PCDHGB3: variants seen among roughly 807,000 people sequenced by gnomAD.
PCDHGB3 encodes the protein protocadherin gamma subfamily B, 3.
A neutral mutation model predicts 59.2 loss-of-function variants in PCDHGB3; 40 were observed. The observed-to-expected ratio is 0.68, with a 90% CI of 0.52 to 0.88. The LOEUF is 0.88. Ranked by LOEUF, PCDHGB3 falls within the 40% of genes least tolerant of loss-of-function variation. The pLI, the probability that PCDHGB3 is intolerant of heterozygous loss-of-function variation, is 0.00. For synonymous variants in PCDHGB3, 581 were observed against 503.6 expected (o/e 1.15, Z -2.06); for missense variants, 1,309 against 1,187.9 (o/e 1.10, Z -1.50).
intron 1 of PCDHGB3, among the ~76,000 whole-genome samples, chr5:141,448,871 G>A (rs1326162054): frequency 6.6e-6 from 1 of 152,148 alleles, no homozygotes; most frequent in Non-Finnish European, 1.5e-5. Flanking sequence ...CGTGAACCTG[G>A]GAGGCGGAGC....
intron 1 of PCDHGB3, chr5:141,389,392 T>C (rs1258153986): frequency 1.9e-6 from 3 of 1,613,686 alleles, no homozygotes; most frequent in Non-Finnish European, 2.5e-6. Flanking sequence ...TCATCCTACG[T>C]GTCCATAAGC....
At chr5:141,475,684 T>C (rs2099367059) in intron 1 of PCDHGB3, among the ~76,000 whole-genome samples, 1 of 152,228 alleles carries the variant, frequency 6.6e-6, no homozygotes, top group African/African-American at 2.4e-5. Context: ...TTGATTTGGA[T>C]TGGAGACTTG....
chr5:141,491,493 G>A lies in PCDHGB3; in HGVS notation c.2416-3314G>A, dbSNP rs1008591563. On this transcript the variant is annotated intron_variant, in intron 1 of 3. Transcript: ENST00000576222. This position sits in a 1 kb window ranked among gnomAD's most constrained non-coding sequence, Gnocchi z 6.9. ...AGCAGTCCAGCCCCAACCTGCAGGT[G>A]AGCTCGGACGGCACGCTCAAGTACA... 6.2e-7 allele frequency: 1 copy of A among 1,614,000 alleles called. No homozygotes were observed. Among genetic ancestry groups the A allele is most frequent in the African/African-American group, 1.3e-5 (1 of 74,928 alleles).
Position 141,372,544 on chromosome 5 carries a change from G to A in PCDHGB3, c.2150G>A (p.Cys717Tyr), listed in dbSNP as rs1768857250. Residue 717 changes from cysteine (C) to tyrosine (Y), a missense_variant, in exon 1 of 4, where the codon TGC becomes TAC. Transcript: ENST00000576222. ...VILAISLRLR[C>Y]SSRPATEGYF... ...CTGGCAATCTCCCTGCGCCTGCGATGCTCCTCCAGACCCGCCACTGAGGGC... is the reference window on the plus strand; with the variant it reads ...CTGGCAATCTCCCTGCGCCTGCGATACTCCTCCAGACCCGCCACTGAGGGC... 4 of 1,613,872 alleles carry A rather than the reference G, an allele frequency of 2.5e-6. No homozygotes were observed. The highest frequency in any genetic ancestry group is 1.3e-5 in the African/African-American group (1 of 74,918).
Position 141,489,407 on chromosome 5 carries a change from T to C in PCDHGB3, c.2416-5400T>C. On this transcript the variant is annotated intron_variant, in intron 1 of 3. Transcript: ENST00000576222. This position sits in a 1 kb window ranked among gnomAD's most constrained non-coding sequence, Gnocchi z 4.5. ...GTTGCTCAGGATCTGGGCTTAAAGA[T>C]GACAGATCTGTTGAGCCGGCGGCTG... 6.2e-7 allele frequency: 1 copy of C among 1,614,140 alleles called. No individual in the cohort carries two copies.
chr5:141,449,040 C>A (rs1333983931), intron 1 of PCDHGB3, among the ~76,000 whole-genome samples: 2 of 152,126 alleles, frequency 1.3e-5, no homozygotes, highest in Non-Finnish European at 2.9e-5. Flanking sequence ...GGATTATTAA[C>A]CAGTCTCATA....
At chr5:141,448,394 T>C (rs1360417681) in intron 1 of PCDHGB3, among the ~76,000 whole-genome samples, 1 of 152,206 alleles carries the variant, frequency 6.6e-6, no homozygotes. Context: ...TACATTTACA[T>C]GGTTTTAAAA....
At chr5:141,478,467 G>T (rs2099457769) in intron 1 of PCDHGB3, 1 of 1,613,656 alleles carries the variant, frequency 6.2e-7, no homozygotes, top group South Asian at 1.1e-5. Flanking sequence ...CCACTGGCCA[G>T]CCGCCAGAAC....
At chr5:141,421,418 G>A (rs771088122) in intron 1 of PCDHGB3, 1 of 1,614,086 alleles carries the variant, frequency 6.2e-7, no homozygotes, top group Admixed American at 1.7e-5. Flanking sequence ...GCGAAGCGCG[G>A]AGTCCGCATC....
rs2154591356 is a variant in PCDHGB3, at chr5:141,493,972, C to G, written c.2416-835C>G. Among the ~76,000 whole-genome samples, 6 of 152,276 alleles carry G rather than the reference C, an allele frequency of 3.9e-5. No homozygotes were observed. In the Middle Eastern group the frequency reaches 0.014, roughly 345 times the overall value. On this transcript the variant is annotated intron_variant, in intron 1 of 3. Coordinates refer to ENST00000576222, the MANE Select transcript of PCDHGB3 (RefSeq NM_018924.5). This position sits in a 1 kb window ranked among gnomAD's most constrained non-coding sequence, Gnocchi z 4.3. ...CAGGAATGAAGTGGCTGGCCAGAGC[C>G]CCACACCTTCAGCTAGGTGGGAGAT...
At chr5:141,382,978 T>G in intron 1 of PCDHGB3, 1 of 1,610,702 alleles carries the variant, frequency 6.2e-7, no homozygotes, top group Non-Finnish European at 8.5e-7. Context: ...CTGGGAAGCC[T>G]GGGCAGGACG....
At chr5:141,407,114 T>C (rs1309229793) in intron 1 of PCDHGB3, among the ~76,000 whole-genome samples, 1 of 152,228 alleles carries the variant, frequency 6.6e-6, no homozygotes, top group Non-Finnish European at 1.5e-5. Flanking sequence ...ATTATTTGGG[T>C]TTCAGTTGCT....
At chr5:141,413,488 C>G in intron 1 of PCDHGB3, 1 of 1,613,986 alleles carries the variant, frequency 6.2e-7, no homozygotes, top group Non-Finnish European at 8.5e-7. Context: ...TCAGAGCGCG[C>G]GGTGCGTGGT....
chr5:141,415,906 A>G, intron 1 of PCDHGB3: 1 of 784,990 alleles, frequency 1.3e-6, no homozygotes, highest in Non-Finnish European at 1.8e-6. Context: ...ACAGACTTCC[A>G]TACAGAAGTG....
chr5:141,414,781 G>T, intron 1 of PCDHGB3: 2 of 1,614,230 alleles, frequency 1.2e-6, no homozygotes, highest in Non-Finnish European at 1.7e-6. Flanking sequence ...ACAGATGCAG[G>T]TGACAGCCAG....
intron 1 of PCDHGB3, chr5:141,418,513 G>T (rs377653202): frequency 1.1e-4 from 173 of 1,613,842 alleles, no homozygotes; most frequent in Non-Finnish European, 1.2e-4. Flanking sequence ...TAGATGGTGG[G>T]GACCCTCCCC....
chr5:141,381,257 C>G (rs1284591781), intron 1 of PCDHGB3, among the ~76,000 whole-genome samples: 1 of 152,248 alleles, frequency 6.6e-6, no homozygotes, highest in Non-Finnish European at 1.5e-5. Flanking sequence ...GAAGAATTTA[C>G]AAACCAAGAC....
At chr5:141,392,945 C>T (rs1561639150) in intron 1 of PCDHGB3, 1 of 1,613,916 alleles carries the variant, frequency 6.2e-7, no homozygotes. Flanking sequence ...AAGGCTCCTT[C>T]GTGGGTAATA....
intron 1 of PCDHGB3, chr5:141,378,927 G>C (rs2150134897): frequency 6.6e-6 from 1 of 152,318 alleles, no homozygotes; most frequent in Admixed American, 6.5e-5. Context: ...AAAGTAAGTT[G>C]ATGGCCCTGG....
Sources: gnomAD v4.1 joint callset for allele counts (sites outside exome capture counted in the v4.1 genomes callset) on GRCh38, gnomAD v4.1.1 for gene constraint, Gnocchi (gnomAD v3.1) non-coding constraint, MANE v1.5 for transcripts, NCBI Gene and HGNC (gene_info 2026-07-23, HGNC 2026-07-21) for gene names.